OPA3: variants seen among roughly 807,000 people sequenced by gnomAD.
The protein encoded by OPA3 is outer mitochondrial membrane lipid metabolism regulator OPA3.
OPA3 carries 6 observed loss-of-function variants against 4.0 expected under a neutral mutation model. The ratio of observed to expected loss-of-function variants is 1.51; its 90% CI spans 0.83 to 2.99. The LOEUF (loss-of-function observed/expected upper bound fraction) is 2.99, where lower values mean the gene tolerates loss of function less well. Among genes scored for constraint, OPA3 ranks in the 30% most tolerant of loss-of-function variants. The pLI, the probability that OPA3 is intolerant of heterozygous loss-of-function variation, is 0.00. For synonymous variants in OPA3, 105 were observed against 117.1 expected (o/e 0.90, Z 0.67); for missense variants, 235 against 256.2 (o/e 0.92, Z 0.56).
chr19:45,543,041 ACT>A (rs1969205116), downstream of OPA3, among the ~76,000 whole-genome samples: 1 of 149,188 alleles, frequency 6.7e-6, no homozygotes, highest in South Asian at 2.1e-4. Flanking sequence ...ACAGGGTCTC[ACT>A]CTGTCGCCCA....
At chr19:45,536,080 T>A (rs1423848150) in intron 1 of OPA3, among the ~76,000 whole-genome samples, 5 of 143,628 alleles carry the variant, frequency 3.5e-5, no homozygotes, top group Admixed American at 7.1e-5. Flanking sequence ...AATTAAAAAA[T>A]TAGCCAGGTG....
Position 45,548,141 on chromosome 19 carries a change from C to T in OPA3, c.*5373G>A. ...TACACTCAGAGTTGCCATGCTTCTCCTCTCTCTGTCCACACCGACTCCAGC... is the reference window on the plus strand; with the variant it reads ...TACACTCAGAGTTGCCATGCTTCTCTTCTCTCTGTCCACACCGACTCCAGC... On this transcript the variant is annotated 3_prime_UTR_variant, in exon 2 of 2. Transcript: ENST00000263275. 1.0e-6 allele frequency: 1 copy of T among 985,802 alleles called. No individual in the cohort carries two copies. The highest frequency in any genetic ancestry group is 1.2e-6 in the Non-Finnish European group (1 of 830,118). The allele number at this position is 985,802 out of a possible 1,614,324, so 61.1% of individuals were successfully genotyped here.
At position 45,583,035 on chromosome 19, in the gene OPA3, C is replaced by T. The variant is rs138787787; in HGVS notation, c.142+1588G>A. ...TTAGAAGCAAGATGGAGTAAGTTAACTTAGATCTCTTTCGCTGTGTCAGTC... is the reference window on the plus strand; with the variant it reads ...TTAGAAGCAAGATGGAGTAAGTTAATTTAGATCTCTTTCGCTGTGTCAGTC... On this transcript the variant is annotated intron_variant, in intron 1 of 1. Coordinates refer to ENST00000263275, the MANE Select transcript of OPA3 (RefSeq NM_025136.4). 5.6e-3 allele frequency among the ~76,000 whole-genome samples: 852 copies of T among 152,308 alleles called. 11 individuals are homozygous for T. Among genetic ancestry groups the T allele is most frequent in the African/African-American group, 0.02 (816 of 41,562 alleles).
chr19:45,549,399 T>C lies in OPA3; in HGVS notation c.*4115A>G. ...AGGGCAGGGCTGAGTGCGAAGTCTC[T>C]GAGATGTGAGAGCAGCACTCCATCT... is the stretch of plus-strand genomic sequence containing the variant. On this transcript the variant is annotated 3_prime_UTR_variant, in exon 2 of 2. Coordinates refer to ENST00000263275, the MANE Select transcript of OPA3 (RefSeq NM_025136.4). 3 of 985,024 alleles carry C rather than the reference T, an allele frequency of 3.0e-6. No individual in the cohort carries two copies. The highest frequency in any genetic ancestry group is 3.6e-6 in the Non-Finnish European group (3 of 829,882). 61.0% of individuals were successfully genotyped at this position (985,024 alleles called of 1,614,324 possible).
chr19:45,527,864 A>C (rs965936638), exon 2 of OPA3: 7 of 152,170 alleles, frequency 4.6e-5, no homozygotes, highest in Admixed American at 1.3e-4. Context: ...CGCCCCCTTC[A>C]GTTGTCGGGT....
chr19:45,559,387 C>CTTTTTTTTTTTTTTTTTTTT lies in OPA3; in HGVS notation c.143-5477_143-5476insAAAAAAAAAAAAAAAAAAAA, dbSNP rs1482357153. On this transcript the variant is annotated intron_variant, in intron 1 of 1. Coordinates refer to ENST00000263275, the MANE Select transcript of OPA3 (RefSeq NM_025136.4). ...TTTCTCTTCTCTCTCTTCTTTCCCT[C>CTTTTTTTTTTTTTTTTTTTT]TTTTTCTTTCTTTTTTTTTTTTTTT... Among the ~76,000 whole-genome samples, 2 of 108,348 alleles carry CTTTTTTTTTTTTTTTTTTTT rather than the reference C, an allele frequency of 1.8e-5. 1 individual carries two copies. The highest frequency in any genetic ancestry group is 7.7e-5 in the African/African-American group (2 of 25,826). The allele number at this position is 108,348 out of a possible 152,430, so 71.1% of individuals were successfully genotyped here.
chr19:45,537,718 T>C (rs1239350643), intron 1 of OPA3, among the ~76,000 whole-genome samples: 9 of 151,866 alleles, frequency 5.9e-5, no homozygotes, highest in Non-Finnish European at 1.2e-4. Context: ...CTGCAACCTC[T>C]GCCCTCCGGT....
chr19:45,569,607 C>T (rs1372062670), intron 1 of OPA3, among the ~76,000 whole-genome samples: 1 of 152,108 alleles, frequency 6.6e-6, no homozygotes, highest in Non-Finnish European at 1.5e-5. Context: ...CTCCCATACA[C>T]CAAGGGGTGG....
At chr19:45,571,170 G>T (rs1599988613) in intron 1 of OPA3, among the ~76,000 whole-genome samples, 1 of 151,550 alleles carries the variant, frequency 6.6e-6, no homozygotes, top group Non-Finnish European at 1.5e-5. Context: ...TTGAGACAGG[G>T]TCTTGCTCTG....
At chr19:45,543,508 A>G (rs1969211386), downstream of OPA3, among the ~76,000 whole-genome samples, 1 of 151,622 alleles carries the variant, frequency 6.6e-6, no homozygotes, top group African/African-American at 2.4e-5. Flanking sequence ...GTAGAGATGG[A>G]GTTTCACCAC....
intron 1 of OPA3, among the ~76,000 whole-genome samples, chr19:45,558,946 T>A (rs1969462089): frequency 6.6e-6 from 1 of 152,082 alleles, no homozygotes; most frequent in Non-Finnish European, 1.5e-5. Context: ...TGCAGTGGCT[T>A]GATCTTGGCT....
At chr19:45,563,458 TATG>T (rs1969535567) in intron 1 of OPA3, among the ~76,000 whole-genome samples, 1 of 150,788 alleles carries the variant, frequency 6.6e-6, no homozygotes, top group African/African-American at 2.5e-5. Flanking sequence ...GTGCCCAGCC[TATG>T]ATAACAATTA....
intron 1 of OPA3, among the ~76,000 whole-genome samples, chr19:45,559,397 C>CTT (rs71338781): frequency 3.5e-4 from 21 of 59,926 alleles, no homozygotes; most frequent in South Asian, 7.8e-4. Context: ...CTTTTTCTTT[C>CTT]TTTTTTTTTT....
At chr19:45,565,780 C>T (rs1385653621) in intron 1 of OPA3, among the ~76,000 whole-genome samples, 2 of 152,040 alleles carry the variant, frequency 1.3e-5, no homozygotes, top group East Asian at 3.9e-4. Flanking sequence ...CCACCGCGCC[C>T]GGCCACAAAA....
chr19:45,545,178 AC>A (rs372971114), downstream of OPA3, among the ~76,000 whole-genome samples: 368 of 146,044 alleles, frequency 2.5e-3, 44 homozygotes, highest in South Asian at 7.7e-3. Flanking sequence ...AAAAAAAAAA[AC>A]AAAAAAACAA....
intron 1 of OPA3, among the ~76,000 whole-genome samples, chr19:45,554,745 T>G (rs1969395439): frequency 6.6e-6 from 1 of 152,242 alleles, no homozygotes; most frequent in Non-Finnish European, 1.5e-5. Flanking sequence ...CTCCTTTTAC[T>G]TTTAAGGTTT....
In OPA3 at chr19:45,550,886, T is replaced by C; in HGVS notation, c.*2628A>G. ...GGCAGATCCTGGAAGAGAAACCCAGTAGAAAAGGGTGGTTCCTAGACTGTT... is the reference window on the plus strand; with the variant it reads ...GGCAGATCCTGGAAGAGAAACCCAGCAGAAAAGGGTGGTTCCTAGACTGTT... On this transcript the variant is annotated 3_prime_UTR_variant, in exon 2 of 2. Transcript: ENST00000263275. The C allele has an allele frequency of 1.0e-6, 1 of 985,762 alleles. No individual in the cohort carries two copies. The highest frequency in any genetic ancestry group is 1.2e-6 in the Non-Finnish European group (1 of 829,998). 61.1% of individuals were successfully genotyped at this position (985,762 alleles called of 1,614,324 possible).
At chr19:45,544,574 C>T (rs965288081), downstream of OPA3, among the ~76,000 whole-genome samples, 10 of 152,148 alleles carry the variant, frequency 6.6e-5, no homozygotes, top group Admixed American at 1.3e-4. Context: ...GCAGGTGGAT[C>T]ACCTGAGGTC....
In OPA3 at chr19:45,529,199, C is replaced by A. The variant is rs766535284; in HGVS notation, c.400G>T (p.Glu134Ter). 4.3e-6 allele frequency: 7 copies of A among 1,611,518 alleles called. No individual in the cohort carries two copies. The highest frequency in any genetic ancestry group is 5.9e-6 in the Non-Finnish European group (7 of 1,179,722). The change falls in exon 2 of 2, where the codon GAG becomes TAG. Residue 134 changes from glutamate (E) to a stop codon, truncating the protein, a stop_gained. Coordinates refer to the OPA3 transcript ENST00000323060. LOFTEE classifies it low-confidence loss of function (END_TRUNC). ...GCCTGCACCTGCGCCTGCAACTCCT[C>A]GAGCGCCAGCCCCAAGTGGCCCACC...
Sources: allele counts gnomAD v4.1 joint callset (sites outside exome capture counted in the v4.1 genomes callset), GRCh38; gene constraint gnomAD v4.1.1; transcripts MANE v1.5; gene names NCBI Gene and HGNC (gene_info 2026-07-23, HGNC 2026-07-21).